Variants in PTK2 observed in about 807,000 individuals in gnomAD.
PTK2 encodes focal adhesion kinase 1.
Under a neutral mutation model 150.1 loss-of-function variants are expected in PTK2, and 45 were observed. The observed-to-expected ratio is 0.30, with a 90% CI of 0.24 to 0.38. PTK2 has a LOEUF of 0.38. Ranked by LOEUF, PTK2 falls within the 10% of genes least tolerant of loss-of-function variation. The pLI, the probability that PTK2 is intolerant of heterozygous loss-of-function variation, is 1.00. For synonymous variants in PTK2, 432 were observed against 449.2 expected (o/e 0.96, Z 0.48); for missense variants, 919 against 1,307.3 (o/e 0.70, Z 4.58).
At chr8:141,001,804 G>A (rs1288695313), upstream of PTK2, among the ~76,000 whole-genome samples, 4 of 152,212 alleles carry the variant, frequency 2.6e-5, no homozygotes, top group Non-Finnish European at 5.9e-5. Flanking sequence ...CGACCCTAAC[G>A]AGCGGTTCCT....
At position 140,920,869 on chromosome 8, in the gene PTK2, A is replaced by C. The variant is rs953048512; in HGVS notation, c.-33+4792T>G. The C allele has an allele frequency of 2.6e-6, 4 of 1,529,406 alleles. No homozygotes were observed. In the African/African-American group the frequency reaches 5.5e-5, roughly 21 times the overall value. The allele number at this position is 1,529,406 out of a possible 1,614,324, so 94.7% of individuals were successfully genotyped here. On this transcript the variant is annotated intron_variant, in intron 2 of 31. Coordinates refer to ENST00000522684, the Ensembl canonical transcript of PTK2. The stretch of plus-strand genomic sequence containing the variant: ...ATCCGCTTTTCTCCATATAGATGGC[A>C]CCTGCTGGTTTCAGGGCCTCTTGGC...
chr8:140,780,061 A>G (rs931107066), intron 14 of PTK2, among the ~76,000 whole-genome samples: 2 of 152,214 alleles, frequency 1.3e-5, no homozygotes, highest in African/African-American at 4.8e-5. Context: ...TTACTATTTT[A>G]AAAACTGGTA....
At chr8:140,908,036 C>A (rs1382667309) in intron 2 of PTK2, among the ~76,000 whole-genome samples, 1 of 152,184 alleles carries the variant, frequency 6.6e-6, no homozygotes, top group Non-Finnish European at 1.5e-5. Flanking sequence ...AAAGCTGAAA[C>A]AAGCCAAAAG....
At chr8:140,999,216 C>G (rs1267176683) in intron 1 of PTK2, among the ~76,000 whole-genome samples, 1 of 152,230 alleles carries the variant, frequency 6.6e-6, no homozygotes, top group Non-Finnish European at 1.5e-5. Context: ...TGCATCACCA[C>G]TGAATGATGT....
At chr8:140,961,883 A>G (rs2100183318) in intron 1 of PTK2, among the ~76,000 whole-genome samples, 1 of 152,150 alleles carries the variant, frequency 6.6e-6, no homozygotes, top group African/African-American at 2.4e-5. Flanking sequence ...CTTCAACCAT[A>G]CAACCCAACT....
intron 8 of PTK2, 48 bp from the exon 9 acceptor site, chr8:140,819,068 A>G: frequency 2.5e-6 from 4 of 1,584,352 alleles, no homozygotes; most frequent in Middle Eastern, 1.9e-4. Flanking sequence ...AGCAATGAGT[A>G]AAGACCACAA....
intron 21 of PTK2, among the ~76,000 whole-genome samples, chr8:140,737,628 A>T (rs904765849): frequency 6.6e-6 from 1 of 152,254 alleles, no homozygotes; most frequent in African/African-American, 2.4e-5. Context: ...TCATTCAGAC[A>T]TTACAGTAAC....
At chr8:140,686,755 T>C in intron 26 of PTK2, 61 bp from the exon 30 acceptor site, 2 of 1,416,602 alleles carry the variant, frequency 1.4e-6, no homozygotes, top group Non-Finnish European at 2.0e-6. Flanking sequence ...TTTTGACAGA[T>C]TCTGTATTAA....
intron 30 of PTK2, among the ~76,000 whole-genome samples, chr8:140,665,203 C>G (rs1216482862): frequency 6.6e-6 from 1 of 152,092 alleles, no homozygotes; most frequent in African/African-American, 2.4e-5. Context: ...CTCTAATACC[C>G]TAAGGAGTGA....
At chr8:140,811,773 G>A (rs555398721) in intron 10 of PTK2, among the ~76,000 whole-genome samples, 5 of 152,280 alleles carry the variant, frequency 3.3e-5, no homozygotes, top group African/African-American at 4.8e-5. Flanking sequence ...TAATGCAACC[G>A]TAAGTATTAA....
At chr8:140,892,720 C>T in intron 2 of PTK2, 2 of 355,164 alleles carry the variant, frequency 5.6e-6, no homozygotes, top group South Asian at 2.3e-5. Context: ...AAAAGAAAAA[C>T]ATATGTACCA....
chr8:140,690,962 T>C (rs1590328846), intron 26 of PTK2, among the ~76,000 whole-genome samples: 1 of 152,214 alleles, frequency 6.6e-6, no homozygotes, highest in South Asian at 2.1e-4. Context: ...ACAGTAATTG[T>C]AACCAACACA....
chr8:140,917,547 C>T (rs1358836571), intron 2 of PTK2, among the ~76,000 whole-genome samples: 2 of 151,970 alleles, frequency 1.3e-5, no homozygotes, highest in African/African-American at 4.8e-5. Context: ...TTAGAATGGC[C>T]AAAAGTTTGA....
In PTK2 at chr8:140,887,916, C is replaced by T. The variant is rs577112953; in HGVS notation, c.195+2627G>A. ...AGTGCTCAACAACTGCACATGGCTA[C>T]GATAATGGGCAACGTAGCTATAATG... On this transcript the variant is annotated intron_variant, in intron 3 of 31. Coordinates refer to ENST00000522684, the Ensembl canonical transcript of PTK2. Among the ~76,000 whole-genome samples the T allele has an allele frequency of 2.8e-3, 430 of 152,206 alleles. 5 individuals carry two copies. Among genetic ancestry groups the T allele is most frequent in the Non-Finnish European group, 2.4e-3 (163 of 68,006 alleles).
rs191214368 is a variant in PTK2, at chr8:140,786,613, A to T, written c.1177+2861T>A. On this transcript the variant is annotated intron_variant, in intron 14 of 31. Transcript: ENST00000522684. Reference sequence around the variant, plus strand: ...GATGACAGAAGGAAAAAAGGATGGGAGGAAGAAGGGAGGGAGGGCCGGCAG... The same window carrying T: ...GATGACAGAAGGAAAAAAGGATGGGTGGAAGAAGGGAGGGAGGGCCGGCAG... 3.5e-3 allele frequency among the ~76,000 whole-genome samples: 532 copies of T among 152,094 alleles called. 5 individuals carry two copies. The highest frequency in any genetic ancestry group is 0.012 in the African/African-American group (514 of 41,496).
chr8:140,937,358 A>C lies in PTK2; in HGVS notation c.-121-11609T>G, dbSNP rs143406322. On this transcript the variant is annotated intron_variant, in intron 1 of 31. Coordinates refer to ENST00000522684, the Ensembl canonical transcript of PTK2. The stretch of plus-strand genomic sequence containing the variant: ...TTCCACACCTGATTTTTCTGAAAAT[A>C]AAGTTATGCCATGAATTTGTCTATA... Among the ~76,000 whole-genome samples the C allele has an allele frequency of 4.3e-4, 65 of 152,302 alleles. 1 individual carries two copies. Among genetic ancestry groups the C allele is most frequent in the African/African-American group, 1.4e-3 (60 of 41,578 alleles).
intron 22 of PTK2, chr8:140,718,432 T>G (rs1352256244): frequency 3.3e-5 from 5 of 152,186 alleles, no homozygotes; most frequent in African/African-American, 1.2e-4. Flanking sequence ...CCCCTCAGAA[T>G]GCAGCCAAAG....
intron 4 of PTK2, among the ~76,000 whole-genome samples, chr8:140,869,396 T>C (rs753406740): frequency 5.3e-5 from 8 of 152,160 alleles, no homozygotes; most frequent in Non-Finnish European, 8.8e-5. Context: ...CCTCTGAAAG[T>C]TGGCCAGCTT....
chr8:140,995,974 A>G (rs2100197570), intron 1 of PTK2, among the ~76,000 whole-genome samples: 1 of 152,038 alleles, frequency 6.6e-6, no homozygotes, highest in Admixed American at 6.6e-5. Flanking sequence ...AATCCCAGCT[A>G]CTCAGTAGGC....
Sources: gnomAD v4.1 joint callset for allele counts (sites outside exome capture counted in the v4.1 genomes callset) on GRCh38, gnomAD v4.1.1 for gene constraint, MANE v1.5 for transcripts, NCBI Gene and HGNC (gene_info 2026-07-23, HGNC 2026-07-21) for gene names.